The following SRFBP1 variants were observed in gnomAD, a reference collection of about 807,000 sequenced individuals.
SRFBP1 encodes the protein serum response factor-binding protein 1.
Under a neutral mutation model 45.5 loss-of-function variants are expected in SRFBP1, and 47 were observed. The ratio of observed to expected loss-of-function variants is 1.03; its 90% CI spans 0.82 to 1.32. SRFBP1 has a LOEUF of 1.32. Ranked by LOEUF, SRFBP1 falls within the 40% of genes most tolerant of loss-of-function variation. The pLI is 0.00. For missense variants in SRFBP1, 621 were observed against 484.6 expected (o/e 1.28, Z -2.64); for synonymous variants, 203 against 166.3 (o/e 1.22, Z -1.70).
chr5:122,038,944 A>G (rs186001960), intron 2 of SRFBP1, among the ~76,000 whole-genome samples: 3 of 152,184 alleles, frequency 2.0e-5, no homozygotes, highest in South Asian at 2.1e-4. Flanking sequence ...TCCATCATTT[A>G]TTTCAAATGT....
chr5:121,979,051 T>A (rs111741472), intron 3 of SRFBP1, among the ~76,000 whole-genome samples: 3 of 152,142 alleles, frequency 2.0e-5, no homozygotes, highest in African/African-American at 7.2e-5. Flanking sequence ...TCTGCACAGC[T>A]TGCTCCTAAG....
chr5:121,981,520 C>A (rs956119421), intron 3 of SRFBP1, among the ~76,000 whole-genome samples: 1 of 149,622 alleles, frequency 6.7e-6, no homozygotes, highest in Non-Finnish European at 1.5e-5. Flanking sequence ...GGCTACCTCT[C>A]TGTTGCTTCT....
At position 122,027,120 on chromosome 5, in the gene SRFBP1, T is replaced by G. The variant is rs201301517; in HGVS notation, c.1284T>G (p.Asp428Glu). 16 of 1,600,830 alleles carry G rather than the reference T, an allele frequency of 1.0e-5. No homozygotes were observed. The African/African-American group carries it at 1.6e-4, about 16-fold the overall frequency. Residue 428 changes from aspartate to glutamate, a missense_variant, in exon 8 of 8, where the codon GAT (aspartate) becomes GAG (glutamate). Coordinates refer to ENST00000339397, the MANE Select transcript of SRFBP1 (RefSeq NM_152546.3). ...TTCAGGGGAAAAAAATTACGTTTGA[T>G]GATTGATTAGTGCCTCTTTCTGCAA... Reference protein sequence around the residue: ...AVFQGKKITFDD With the variant: ...AVFQGKKITFED
chr5:122,051,536 A>G (rs1270418970), intron 2 of SRFBP1, among the ~76,000 whole-genome samples: 1 of 147,520 alleles, frequency 6.8e-6, no homozygotes, highest in Non-Finnish European at 1.5e-5. Flanking sequence ...TTTTTTAATC[A>G]TTGTTGGTTT....
Position 121,981,381 on chromosome 5 carries a change from A to G in SRFBP1, c.198+5994A>G, listed in dbSNP as rs115569395. Among the ~76,000 whole-genome samples, 628 of 152,100 alleles carry G rather than the reference A, an allele frequency of 4.1e-3. 7 individuals are homozygous for G. Among genetic ancestry groups the G allele is most frequent in the African/African-American group, 0.015 (605 of 41,512 alleles). ...CGTTTAAAAACACATTCAAATCATAATAGACTTCCTGCCTCTGGTCTCGCC... is the reference window on the plus strand; with the variant it reads ...CGTTTAAAAACACATTCAAATCATAGTAGACTTCCTGCCTCTGGTCTCGCC... On this transcript the variant is annotated intron_variant, in intron 3 of 7. Coordinates refer to ENST00000339397, the MANE Select transcript of SRFBP1 (RefSeq NM_152546.3).
In SRFBP1 at chr5:122,026,991, A is replaced by G. The variant is rs1378353629; in HGVS notation, c.1155A>G (p.Leu385=). The change falls in exon 8 of 8, where the codon CTA becomes CTG. Residue 385 remains leucine (L), a synonymous_variant. Coordinates refer to ENST00000339397, the MANE Select transcript of SRFBP1 (RefSeq NM_152546.3). ...PQIKNQFNKK[L]SGRLENTKQQ... ...TCAAGAATCAGTTTAATAAGAAGCT[A>G]TCAGGAAGACTTGAAAATACAAAAC... The G allele has an allele frequency of 6.2e-7, 1 of 1,613,270 alleles. No individual in the cohort carries two copies. Among genetic ancestry groups the G allele is most frequent in the Non-Finnish European group, 8.5e-7 (1 of 1,179,820 alleles).
At chr5:121,978,515 G>T (rs1376005064) in intron 3 of SRFBP1, among the ~76,000 whole-genome samples, 2 of 151,924 alleles carry the variant, frequency 1.3e-5, no homozygotes, top group Non-Finnish European at 2.9e-5. Flanking sequence ...TACTTGAGAT[G>T]GAGTCTCTCT....
chr5:122,012,163 T>C (rs1288249141), intron 4 of SRFBP1, among the ~76,000 whole-genome samples: 1 of 152,074 alleles, frequency 6.6e-6, no homozygotes, highest in Non-Finnish European at 1.5e-5. Flanking sequence ...TCTAATTGAT[T>C]GATAAAATCT....
intron 2 of SRFBP1, among the ~76,000 whole-genome samples, chr5:122,045,856 T>C (rs994972207): frequency 7.2e-5 from 11 of 152,208 alleles, no homozygotes; most frequent in African/African-American, 2.7e-4. Flanking sequence ...TTTCTTATTC[T>C]TGCCTGATTG....
chr5:122,029,498 C>T (rs1472609447), downstream of SRFBP1, among the ~76,000 whole-genome samples: 1 of 152,202 alleles, frequency 6.6e-6, no homozygotes, highest in Non-Finnish European at 1.5e-5. Context: ...AAGAACCCTT[C>T]TACAGAGCTT....
chr5:121,974,308 T>C (rs765738925), intron 2 of SRFBP1, 24 bp downstream of exon 2: 7 of 1,514,766 alleles, frequency 4.6e-6, no homozygotes, highest in Non-Finnish European at 6.4e-6. Flanking sequence ...AGTAATGATC[T>C]TGTGACTAAT....
At chr5:122,037,090 G>T (rs1025185669) in intron 2 of SRFBP1, among the ~76,000 whole-genome samples, 9 of 152,028 alleles carry the variant, frequency 5.9e-5, no homozygotes, top group African/African-American at 2.2e-4. Context: ...TAGAAACAGG[G>T]TTTCTCTATA....
At chr5:122,060,047 C>G (rs188607365) in intron 2 of SRFBP1, among the ~76,000 whole-genome samples, 28 of 152,180 alleles carry the variant, frequency 1.8e-4, no homozygotes, top group African/African-American at 6.5e-4. Flanking sequence ...TAAGAATGGG[C>G]TTTCCTCCTA....
At chr5:121,971,438 C>A (rs533219566) in intron 1 of SRFBP1, among the ~76,000 whole-genome samples, 2 of 151,844 alleles carry the variant, frequency 1.3e-5, no homozygotes, top group East Asian at 3.9e-4. Context: ...AAATATGAAA[C>A]CCCCCCTCCC....
At chr5:122,047,159 C>G (rs1182215962) in intron 2 of SRFBP1, among the ~76,000 whole-genome samples, 2 of 152,184 alleles carry the variant, frequency 1.3e-5, no homozygotes, top group African/African-American at 2.4e-5. Flanking sequence ...AGGTTCTCTT[C>G]TAGGGTTTTT....
chr5:121,998,662 T>TATA (rs1554085995), intron 4 of SRFBP1, among the ~76,000 whole-genome samples: 1 of 145,972 alleles, frequency 6.9e-6, no homozygotes, highest in Non-Finnish European at 1.5e-5. Flanking sequence ...ACTTAAAGTA[T>TATA]AAAAAAAAAA....
downstream of SRFBP1, among the ~76,000 whole-genome samples, chr5:122,030,577 T>G (rs1753572813): frequency 6.6e-6 from 1 of 151,978 alleles, no homozygotes; most frequent in East Asian, 1.9e-4. Context: ...CCAGAGATTG[T>G]TTTTCAAAAA....
At chr5:122,056,278 AACTT>A (rs148495009) in intron 2 of SRFBP1, among the ~76,000 whole-genome samples, 5,208 of 152,190 alleles carry the variant, frequency 0.034, 309 homozygotes, top group African/African-American at 0.12. Context: ...AGTGGTTATG[AACTT>A]ACTTAGGGTA....
intron 4 of SRFBP1, among the ~76,000 whole-genome samples, chr5:122,008,816 A>G (rs546906096): frequency 3.6e-4 from 55 of 152,182 alleles, no homozygotes; most frequent in Non-Finnish European, 7.6e-4. Flanking sequence ...TTACTTGGTT[A>G]TGGAATATGG....
Sources: allele counts gnomAD v4.1 joint callset (sites outside exome capture counted in the v4.1 genomes callset), GRCh38; gene constraint gnomAD v4.1.1; transcripts MANE v1.5; gene names NCBI Gene and HGNC (gene_info 2026-07-23, HGNC 2026-07-21).